FOXO1: variants seen among roughly 807,000 people sequenced by gnomAD.
FOXO1 encodes the protein forkhead box protein O1.
FOXO1 carries 6 observed loss-of-function variants against 44.1 expected under a neutral mutation model. That is an observed-to-expected ratio of 0.14 (90% CI 0.07 to 0.27). The LOEUF (loss-of-function observed/expected upper bound fraction) is 0.27, where lower values mean the gene tolerates loss of function less well. Among genes scored for constraint, FOXO1 ranks in the 10% least tolerant of loss-of-function variants. The pLI is 1.00. For missense variants in FOXO1, 737 were observed against 888.8 expected, an observed-to-expected ratio of 0.83 and a Z score of 2.17; for synonymous variants, 380 against 362.7, an observed-to-expected ratio of 1.05 and a Z score of -0.54.
chr13:40,598,087 T>C (rs1875651190), intron 1 of FOXO1, among the ~76,000 whole-genome samples: 1 of 152,076 alleles, frequency 6.6e-6, no homozygotes, highest in African/African-American at 2.4e-5. Flanking sequence ...TGACAGGGAA[T>C]AAAATCCTCT....
intron 1 of FOXO1, among the ~76,000 whole-genome samples, chr13:40,663,053 G>A (rs1309015997): frequency 1.3e-5 from 2 of 152,128 alleles, no homozygotes; most frequent in Non-Finnish European, 2.9e-5. Context: ...GCTGCAATCA[G>A]ACTTAAACCA....
chr13:40,585,343 G>GCACACGCACACA (rs1875122135), intron 1 of FOXO1, among the ~76,000 whole-genome samples: 1 of 147,020 alleles, frequency 6.8e-6, no homozygotes, highest in African/African-American at 2.5e-5. Flanking sequence ...CTGCGCGCGC[G>GCACACGCACACA]CACACACACA....
chr13:40,595,410 T>C (rs746936840), intron 1 of FOXO1, among the ~76,000 whole-genome samples: 18 of 152,156 alleles, frequency 1.2e-4, no homozygotes, highest in African/African-American at 2.9e-4. Flanking sequence ...TCGTTCAGTA[T>C]TGTCTGGGGG....
intron 1 of FOXO1, among the ~76,000 whole-genome samples, chr13:40,620,799 C>CTTTTTTTTTTTTTTTTT (rs111991105): frequency 8.2e-6 from 1 of 121,232 alleles, no homozygotes; most frequent in Non-Finnish European, 1.7e-5. Context: ...CTTCCCCTTG[C>CTTTTTTTTTTTTTTTTT]TTTTTTTTTT....
chr13:40,640,722 AT>A (rs1358379636), intron 1 of FOXO1, among the ~76,000 whole-genome samples: 27 of 152,052 alleles, frequency 1.8e-4, no homozygotes, highest in African/African-American at 6.5e-4. Context: ...AGAACAAAGT[AT>A]TTTCTGTCCA....
chr13:40,577,858 C>T (rs1415130628), intron 1 of FOXO1, among the ~76,000 whole-genome samples: 5 of 152,130 alleles, frequency 3.3e-5, no homozygotes, highest in Admixed American at 1.3e-4. Context: ...ATATCCATGA[C>T]CAGTTCTTAG....
chr13:40,658,854 A>C (rs1267272019), intron 1 of FOXO1, among the ~76,000 whole-genome samples: 4 of 151,328 alleles, frequency 2.6e-5, no homozygotes, highest in Non-Finnish European at 3.0e-5. Context: ...CTAAAAATAC[A>C]AAAAAAAATT....
chr13:40,592,891 A>G (rs1253971887), intron 1 of FOXO1, among the ~76,000 whole-genome samples: 1 of 152,198 alleles, frequency 6.6e-6, no homozygotes, highest in Non-Finnish European at 1.5e-5. Flanking sequence ...AATTAAAGGT[A>G]TATGGTTTCT....
At chr13:40,601,677 T>C (rs1195729277) in intron 1 of FOXO1, among the ~76,000 whole-genome samples, 1 of 152,138 alleles carries the variant, frequency 6.6e-6, no homozygotes, top group Non-Finnish European at 1.5e-5. Context: ...ATTAAATGGG[T>C]TTTTTGGTCA....
intron 1 of FOXO1, among the ~76,000 whole-genome samples, chr13:40,565,088 T>C (rs980659254): frequency 4.6e-5 from 7 of 152,200 alleles, no homozygotes; most frequent in Non-Finnish European, 1.0e-4. Flanking sequence ...TAATTTCTAA[T>C]ATCATAGCCT....
chr13:40,605,997 A>G (rs1246618266), intron 1 of FOXO1, among the ~76,000 whole-genome samples: 2 of 152,196 alleles, frequency 1.3e-5, no homozygotes, highest in African/African-American at 4.8e-5. Flanking sequence ...AAAAAAAATT[A>G]TAACAATAAT....
chr13:40,645,884 T>G (rs1450695154), intron 1 of FOXO1, among the ~76,000 whole-genome samples: 1 of 151,974 alleles, frequency 6.6e-6, no homozygotes, highest in Non-Finnish European at 1.5e-5. Flanking sequence ...CTGACAAACA[T>G]GGAGAAATCC....
intron 1 of FOXO1, among the ~76,000 whole-genome samples, chr13:40,582,986 A>T (rs944311823): frequency 6.6e-6 from 1 of 152,214 alleles, no homozygotes; most frequent in African/African-American, 2.4e-5. Flanking sequence ...GCCTTAATAA[A>T]ATATATTTCT....
intron 1 of FOXO1, among the ~76,000 whole-genome samples, chr13:40,626,118 T>G (rs1161795647): frequency 6.6e-6 from 1 of 152,154 alleles, no homozygotes; most frequent in South Asian, 2.1e-4. Context: ...TGCCCAGCCT[T>G]ACTTTTTATT....
intron 1 of FOXO1, chr13:40,618,834 G>A: frequency 1.9e-6 from 1 of 526,826 alleles, no homozygotes; most frequent in Non-Finnish European, 3.8e-6. Flanking sequence ...GGCAGCAAGA[G>A]CATCTCCACA....
intron 1 of FOXO1, among the ~76,000 whole-genome samples, chr13:40,665,165 C>T (rs940883365): frequency 2.0e-5 from 3 of 151,936 alleles, no homozygotes; most frequent in Non-Finnish European, 4.4e-5. Context: ...GCGGAAACAG[C>T]TCCGCGGCGC....
chr13:40,590,748 T>C (rs1219689722), intron 1 of FOXO1, among the ~76,000 whole-genome samples: 1 of 152,162 alleles, frequency 6.6e-6, no homozygotes, highest in African/African-American at 2.4e-5. Flanking sequence ...ATGCCTTCTG[T>C]GTGGCTTTTT....
intron 1 of FOXO1, chr13:40,619,620 T>C (rs528169888): frequency 5.9e-5 from 91 of 1,541,078 alleles, no homozygotes; most frequent in Non-Finnish European, 6.6e-5. Flanking sequence ...CATCTAGTCC[T>C]GTGGCTAGGC....
At chr13:40,619,391 AC>A in intron 1 of FOXO1, 1 of 740,758 alleles carries the variant, frequency 1.3e-6, no homozygotes, top group South Asian at 1.5e-5. Flanking sequence ...GCATAGTTGA[AC>A]ACCTTTCGGG....
Sources: gnomAD v4.1 joint callset for allele counts (sites outside exome capture counted in the v4.1 genomes callset) on GRCh38, gnomAD v4.1.1 for gene constraint, MANE v1.5 for transcripts, NCBI Gene and HGNC (gene_info 2026-07-23, HGNC 2026-07-21) for gene names.